Variants in RUNDC1 observed in about 807,000 individuals in gnomAD.
The protein encoded by RUNDC1 is RUN domain containing 1.
RUNDC1 carries 31 observed loss-of-function variants against 49.3 expected under a neutral mutation model. The ratio of observed to expected loss-of-function variants is 0.63; its 90% CI spans 0.47 to 0.85. RUNDC1 has a LOEUF of 0.85. RUNDC1 is among the 40% of genes least tolerant of loss of function. The pLI is 0.00. For synonymous variants in RUNDC1, 347 were observed against 348.6 expected, an observed-to-expected ratio of 1.00 and a Z score of 0.05; for missense variants, 715 against 806.7, an observed-to-expected ratio of 0.89 and a Z score of 1.38.
rs1451227825 is a variant in RUNDC1 at position 42,993,062 on chromosome 17, G to T, written c.*1346G>T. 1 of 152,134 alleles carries T rather than the reference G, an allele frequency of 6.6e-6. No individual in the cohort carries two copies. The highest frequency in any genetic ancestry group is 1.9e-4 in the East Asian group (1 of 5,208). 9.4% of individuals were successfully genotyped at this position (152,134 alleles called of 1,614,324 possible). ...TCGAGTATATACAGGAATACAAATC[G>T]GTAACCAGCAGCTGTTCCTCAGGTT... On this transcript the variant is annotated 3_prime_UTR_variant, in exon 5 of 5. Transcript: ENST00000361677.
chr17:42,985,078 GGTT>G (rs1255511949), intron 1 of RUNDC1, among the ~76,000 whole-genome samples: 1 of 151,454 alleles, frequency 6.6e-6, no homozygotes, highest in Non-Finnish European at 1.5e-5. Flanking sequence ...GTAGAGACGG[GGTT>G]CCACCATGTT....
In RUNDC1 at chr17:42,986,590, C is replaced by T. The variant is rs185656109; in HGVS notation, c.499-666C>T. Among the ~76,000 whole-genome samples the T allele has an allele frequency of 3.3e-3, 506 of 152,028 alleles. 3 individuals carry two copies. Among genetic ancestry groups the T allele is most frequent in the Non-Finnish European group, 5.1e-3 (345 of 67,962 alleles). ...TCTGCTCACTGCAAGCTCCGCCTCC[C>T]GGGTTCACGCCATCCTCCTGCTTCA... is the stretch of plus-strand genomic sequence containing the variant. On this transcript the variant is annotated intron_variant, in intron 1 of 4. Transcript: ENST00000361677.
Position 42,986,785 on chromosome 17 carries a change from T to G in RUNDC1, c.499-471T>G, listed in dbSNP as rs555092895. 2.0e-5 allele frequency among the ~76,000 whole-genome samples: 3 copies of G among 152,136 alleles called. No homozygotes were observed. The South Asian group carries it at 6.2e-4, about 32-fold the overall frequency. On this transcript the variant is annotated intron_variant, in intron 1 of 4. Coordinates refer to ENST00000361677, the MANE Select transcript of RUNDC1 (RefSeq NM_173079.5). ...AAGTGCTGGGATTACAGGCGTGAGC[T>G]ACCGGGCCCGGCCAGCTGGTTATGA...
At chr17:42,989,227 T>C in intron 2 of RUNDC1, 114 bp from the exon 3 acceptor site, 1 of 732,074 alleles carries the variant, frequency 1.4e-6, no homozygotes, top group Non-Finnish European at 2.3e-6. Flanking sequence ...TTTCACAAAT[T>C]TAGAGGTCTG....
Position 42,991,971 on chromosome 17 carries a change from T to C in RUNDC1, c.*255T>C. The C allele has an allele frequency of 4.6e-6, 2 of 437,334 alleles. No individual in the cohort carries two copies. Among genetic ancestry groups the C allele is most frequent in the Non-Finnish European group, 8.4e-6 (2 of 238,574 alleles). The allele number at this position is 437,334 out of a possible 1,614,324, so 27.1% of individuals were successfully genotyped here. A position where few individuals can be genotyped will look rare whatever the true frequency, so the allele number is the denominator to read the frequency against. ...GGCTCACACCTGTAATCCCAGCACT[T>C]TGGGAGGCCGAGGCGGGCGGATCAC... is the stretch of plus-strand genomic sequence containing the variant. On this transcript the variant is annotated 3_prime_UTR_variant, in exon 5 of 5. Coordinates refer to ENST00000361677, the MANE Select transcript of RUNDC1 (RefSeq NM_173079.5).
chr17:42,990,288 A>G, intron 3 of RUNDC1, 29 bp from the exon 4 acceptor site: 1 of 1,611,370 alleles, frequency 6.2e-7, no homozygotes, highest in Non-Finnish European at 8.5e-7. Context: ...GGGCTAAATA[A>G]GTGTCTCTTC....
At chr17:42,985,637 ACT>A in intron 1 of RUNDC1, 4 of 48,078 alleles carry the variant, frequency 8.3e-5, no homozygotes, top group Non-Finnish European at 1.3e-4. Context: ...CTCTCTCATT[ACT>A]TACTTCTTCA....
intron 4 of RUNDC1, 86 bp downstream of exon 4, chr17:42,990,522 G>A: frequency 1.5e-6 from 2 of 1,347,224 alleles, no homozygotes; most frequent in Admixed American, 2.2e-5. Context: ...TTGAGGAGAA[G>A]AGGGGAATGA....
At chr17:42,981,383 C>T in intron 1 of RUNDC1, 1 of 363,374 alleles carries the variant, frequency 2.8e-6, no homozygotes, top group Non-Finnish European at 5.0e-6. Context: ...AAGAGCAGTG[C>T]TGCGCCCACT....
intron 1 of RUNDC1, among the ~76,000 whole-genome samples, chr17:42,982,433 T>C (rs1035726699): frequency 2.0e-5 from 3 of 152,142 alleles, no homozygotes; most frequent in African/African-American, 7.2e-5. Flanking sequence ...GTGTTTACTG[T>C]TCCACCCTTC....
At position 42,991,849 on chromosome 17, in the gene RUNDC1, A is replaced by G. The variant is rs1174917019; in HGVS notation, c.*133A>G. The G allele has an allele frequency of 2.2e-6, 2 of 908,230 alleles. No homozygotes were observed. The highest frequency in any genetic ancestry group is 3.3e-6 in the Non-Finnish European group (2 of 605,124). The allele number at this position is 908,230 out of a possible 1,614,324, so 56.3% of individuals were successfully genotyped here. On this transcript the variant is annotated 3_prime_UTR_variant, in exon 5 of 5. Coordinates refer to ENST00000361677, the MANE Select transcript of RUNDC1 (RefSeq NM_173079.5). Reference sequence around the variant, plus strand: ...AGACCCTGCTCAGGCAGTCGGCCAAATGAGTGCAAAGTCTGTTTTCCCCAC... The same window carrying G: ...AGACCCTGCTCAGGCAGTCGGCCAAGTGAGTGCAAAGTCTGTTTTCCCCAC...
chr17:42,986,454 T>A (rs543649188), intron 1 of RUNDC1, among the ~76,000 whole-genome samples: 1 of 152,272 alleles, frequency 6.6e-6, no homozygotes, highest in South Asian at 2.1e-4. Flanking sequence ...TGGTCTATCG[T>A]ACATCAAAGG....
At position 42,993,868 on chromosome 17, in the gene RUNDC1, T is replaced by G. The variant is rs1308735707; in HGVS notation, c.*2152T>G. 1.3e-4 allele frequency among the ~76,000 whole-genome samples: 19 copies of G among 149,086 alleles called. No individual in the cohort carries two copies. Among genetic ancestry groups the G allele is most frequent in the Non-Finnish European group, 1.5e-5 (1 of 66,998 alleles). ...ACATGCTGCTTTTGGAATGGAGACC[T>G]TTTTTTTTTGAGATGGAGTCTCGCT... On this transcript the variant is annotated 3_prime_UTR_variant, in exon 5 of 5. Transcript: ENST00000361677.
chr17:42,993,105 A>G lies in RUNDC1; in HGVS notation c.*1389A>G, dbSNP rs1268967465. The stretch of plus-strand genomic sequence containing the variant: ...CTCAGGTTGTGACTCACTGAGCACC[A>G]CTTGTCCTGGAGGCTGGATGATGGA... On this transcript the variant is annotated 3_prime_UTR_variant, in exon 5 of 5. Transcript: ENST00000361677. 6.6e-6 allele frequency: 1 copy of G among 152,248 alleles called. No homozygotes were observed. Among genetic ancestry groups the G allele is most frequent in the Non-Finnish European group, 1.5e-5 (1 of 68,054 alleles). 9.4% of individuals were successfully genotyped at this position (152,248 alleles called of 1,614,324 possible).
chr17:42,984,280 G>GTTTTT (rs1227344186), intron 1 of RUNDC1, among the ~76,000 whole-genome samples: 1 of 134,602 alleles, frequency 7.4e-6, no homozygotes. Flanking sequence ...CTGGCCCCCA[G>GTTTTT]TTTTTTTTTT....
rs2050062880 is a variant in RUNDC1 at position 42,980,675 on chromosome 17, A to G, written c.99A>G (p.Pro33=). The G allele has an allele frequency of 6.3e-7, 1 of 1,579,946 alleles. No homozygotes were observed. ...DEEEEEEEPL[P]PCEAVRWAPV... is the part of the protein sequence containing the mutation. ...AGGAGGAGGAAGAGGAGCCGCTGCC[A>G]CCGTGCGAGGCGGTGCGCTGGGCCC... The change falls in exon 1 of 5, where the codon CCA becomes CCG. Residue 33 remains proline (P), a synonymous_variant. Coordinates refer to ENST00000361677, the MANE Select transcript of RUNDC1 (RefSeq NM_173079.5).
At chr17:42,981,954 T>A (rs897973408) in intron 1 of RUNDC1, 1 of 150,598 alleles carries the variant, frequency 6.6e-6, no homozygotes, top group Non-Finnish European at 1.5e-5. Context: ...CACAAAGTGC[T>A]GGCTTTATTG....
Position 42,991,604 on chromosome 17 carries a change from A to C in RUNDC1, c.1730A>C (p.His577Pro). The change falls in exon 5 of 5, where the codon CAC becomes CCC. Residue 577 changes from histidine (H) to proline (P), a missense_variant. By Grantham distance (77) the His-to-Pro change is moderately conservative. This residue lies in a region of RUNDC1 where 425 missense variants were observed against 499.7 expected (regional missense o/e 0.85). Transcript: ENST00000361677. ...PHYQPWSYMA[H>P]TGFESALNLL... Reference sequence around the variant, plus strand: ...TACCAGCCCTGGAGCTACATGGCACACACAGGCTTTGAGAGTGCCCTCAAC... The same window carrying C: ...TACCAGCCCTGGAGCTACATGGCACCCACAGGCTTTGAGAGTGCCCTCAAC... 6.2e-7 allele frequency: 1 copy of C among 1,614,176 alleles called. No individual in the cohort carries two copies. The highest frequency in any genetic ancestry group is 8.5e-7 in the Non-Finnish European group (1 of 1,180,022).
rs2050277115 is a variant in RUNDC1 at position 42,993,905 on chromosome 17, G to T, written c.*2189G>T. Among the ~76,000 whole-genome samples the T allele has an allele frequency of 2.0e-5, 3 of 152,122 alleles. No individual in the cohort carries two copies. Among genetic ancestry groups the T allele is most frequent in the Admixed American group, 2.0e-4 (3 of 15,258 alleles). ...GATGGAGTCTCGCTCTGTTGTCCAGGCTGGAGTGCAATGGCGTGATCTCAG... is the reference window on the plus strand; with the variant it reads ...GATGGAGTCTCGCTCTGTTGTCCAGTCTGGAGTGCAATGGCGTGATCTCAG... On this transcript the variant is annotated 3_prime_UTR_variant, in exon 5 of 5. Transcript: ENST00000361677.
Sources: gnomAD v4.1 joint callset for allele counts (sites outside exome capture counted in the v4.1 genomes callset) on GRCh38, gnomAD v4.1.1 for gene constraint, gnomAD v4.1.1 regional missense constraint, MANE v1.5 for transcripts, NCBI Gene and HGNC (gene_info 2026-07-23, HGNC 2026-07-21) for gene names.